The following PDS5B variants were observed in gnomAD, a reference collection of about 807,000 sequenced individuals.
PDS5B encodes the protein sister chromatid cohesion protein PDS5 homolog B.
PDS5B carries 51 observed loss-of-function variants against 184.1 expected under a neutral mutation model. That is an observed-to-expected ratio of 0.28 (90% CI 0.22 to 0.35). PDS5B has a LOEUF of 0.35. Among genes scored for constraint, PDS5B ranks in the 10% least tolerant of loss-of-function variants. The pLI is 1.00. For missense variants in PDS5B, 1,180 were observed against 1,723.3 expected, an observed-to-expected ratio of 0.68 and a Z score of 5.58; for synonymous variants, 566 against 569.2, an observed-to-expected ratio of 0.99 and a Z score of 0.08.
chr13:32,628,765 C>T (rs2058409912), intron 1 of PDS5B, among the ~76,000 whole-genome samples: 1 of 139,226 alleles, frequency 7.2e-6, no homozygotes, highest in Non-Finnish European at 1.6e-5. Context: ...ATATTATTGG[C>T]TAACACTGTT....
At chr13:32,650,270 A>G (rs1950336011) in intron 2 of PDS5B, 1 of 152,184 alleles carries the variant, frequency 6.6e-6, no homozygotes, top group South Asian at 2.1e-4. Context: ...TGTTTGTAAT[A>G]TGCTTTCATT....
intron 26 of PDS5B, among the ~76,000 whole-genome samples, chr13:32,757,030 C>A (rs1389847560): frequency 6.6e-6 from 1 of 151,780 alleles, no homozygotes; most frequent in Non-Finnish European, 1.5e-5. Context: ...GAGGCTGAGG[C>A]AGGAGAATTG....
chr13:32,612,173 A>G (rs1446158185), intron 1 of PDS5B, among the ~76,000 whole-genome samples: 1 of 151,958 alleles, frequency 6.6e-6, no homozygotes, highest in East Asian at 1.9e-4. Flanking sequence ...AGACACCTGG[A>G]ATCTTTACCT....
At chr13:32,683,548 G>A (rs1951306468) in intron 10 of PDS5B, among the ~76,000 whole-genome samples, 1 of 151,942 alleles carries the variant, frequency 6.6e-6, no homozygotes, top group Admixed American at 6.6e-5. Flanking sequence ...TTGAACTCCT[G>A]ACCTCAAGTG....
chr13:32,617,539 T>C (rs1329920755), intron 1 of PDS5B, among the ~76,000 whole-genome samples: 2 of 152,194 alleles, frequency 1.3e-5, no homozygotes, highest in Non-Finnish European at 2.9e-5. Context: ...TTTTTACAGG[T>C]ATTCAGGGCC....
At chr13:32,675,714 T>C in intron 8 of PDS5B, 130 bp from the exon 9 acceptor site, 1 of 547,102 alleles carries the variant, frequency 1.8e-6, no homozygotes, top group Non-Finnish European at 3.3e-6. Flanking sequence ...TTTTATGTAA[T>C]TTTTCATTTA....
chr13:32,594,156 C>T (rs1008797591), intron 1 of PDS5B, among the ~76,000 whole-genome samples: 3 of 152,200 alleles, frequency 2.0e-5, no homozygotes, highest in South Asian at 4.1e-4. Flanking sequence ...AACCTACTAG[C>T]TGTCACTTCC....
At position 32,775,691 on chromosome 13, in the gene PDS5B, G is replaced by A. The variant is rs1280352821; in HGVS notation, c.*639G>A. The A allele has an allele frequency of 2.2e-6, 1 of 456,100 alleles. No homozygotes were observed. Among genetic ancestry groups the A allele is most frequent in the Non-Finnish European group, 4.4e-6 (1 of 226,670 alleles). 28.3% of individuals were successfully genotyped at this position (456,100 alleles called of 1,614,324 possible). ...GGACAACCATGCAAATTGTGAAATA[G>A]TCCTGAAGTTCTTGGATTACTTTAC... is the stretch of plus-strand genomic sequence containing the variant. On this transcript the variant is annotated 3_prime_UTR_variant, in exon 35 of 35. Transcript: ENST00000315596.
At chr13:32,598,839 C>T (rs527379016) in intron 1 of PDS5B, among the ~76,000 whole-genome samples, 6 of 146,290 alleles carry the variant, frequency 4.1e-5, no homozygotes, top group Admixed American at 1.4e-4. Flanking sequence ...GGCACTATCT[C>T]GGCTTACTGC....
chr13:32,760,705 G>T lies in PDS5B; in HGVS notation c.3503G>T (p.Gly1168Val). Residue 1168 changes from glycine to valine, a missense_variant, in exon 30 of 35, where the codon GGA (glycine) becomes GTA (valine). Around this residue, in one of 11 missense-constraint regions of PDS5B, gnomAD observed 465 missense variants for 497.8 expected, o/e 0.93. Coordinates refer to ENST00000315596, the MANE Select transcript of PDS5B (RefSeq NM_015032.4). Reference sequence around the variant, plus strand: ...AGCAGCTCAAATCCAAGCTCTCCTGGAAGAATAAAGGGGAGGTAAGTGCAA... The same window carrying T: ...AGCAGCTCAAATCCAAGCTCTCCTGTAAGAATAAAGGGGAGGTAAGTGCAA... ...ASSSSNPSSP[G>V]RIKGRLDSSE... 4.3e-6 allele frequency: 7 copies of T among 1,613,694 alleles called. No homozygotes were observed. The highest frequency in any genetic ancestry group is 5.9e-6 in the Non-Finnish European group (7 of 1,179,844).
intron 3 of PDS5B, among the ~76,000 whole-genome samples, chr13:32,653,527 T>C (rs755601692): frequency 1.3e-5 from 2 of 152,186 alleles, no homozygotes; most frequent in Non-Finnish European, 2.9e-5. Flanking sequence ...TTTGATCAAG[T>C]CTACCACAAT....
chr13:32,624,608 C>G (rs1162833267), intron 1 of PDS5B, among the ~76,000 whole-genome samples: 1 of 152,070 alleles, frequency 6.6e-6, no homozygotes, highest in African/African-American at 2.4e-5. Context: ...GTGAATCACT[C>G]TTGGTGTTTG....
chr13:32,603,582 GTT>G (rs2058012281), intron 1 of PDS5B, among the ~76,000 whole-genome samples: 4 of 152,158 alleles, frequency 2.6e-5, no homozygotes, highest in Admixed American at 2.6e-4. Flanking sequence ...AATGTGGGCT[GTT>G]TTGTGGTTCC....
chr13:32,775,538 C>CTAT lies in PDS5B; in HGVS notation c.*488_*490dup. 1 of 370,876 alleles carries CTAT rather than the reference C, an allele frequency of 2.7e-6. No individual in the cohort carries two copies. The highest frequency in any genetic ancestry group is 5.3e-6 in the Non-Finnish European group (1 of 187,130). The allele number at this position is 370,876 out of a possible 1,614,324, so 23.0% of individuals were successfully genotyped here. On this transcript the variant is annotated 3_prime_UTR_variant, in exon 35 of 35. Transcript: ENST00000315596. ...AATTGGTGTCATTTTCTTGATGTCA[C>CTAT]TATTTGTTGGAGAGTTAAATGGTCT...
At chr13:32,593,475 G>A (rs1474378906) in intron 1 of PDS5B, among the ~76,000 whole-genome samples, 1 of 152,146 alleles carries the variant, frequency 6.6e-6, no homozygotes, top group East Asian at 1.9e-4. Context: ...GGAGTAGCTG[G>A]GATTACAGGC....
chr13:32,679,936 T>C (rs902756894), intron 10 of PDS5B, among the ~76,000 whole-genome samples: 5 of 149,722 alleles, frequency 3.3e-5, no homozygotes, highest in Admixed American at 6.7e-5. Flanking sequence ...CACCTCCCCT[T>C]TCTCCTTCCC....
chr13:32,734,062 C>T lies in PDS5B; in HGVS notation c.2248-1110C>T, dbSNP rs375927304. Among the ~76,000 whole-genome samples, 23 of 149,558 alleles carry T rather than the reference C, an allele frequency of 1.5e-4. No homozygotes were observed. The East Asian group carries it at 1.6e-3, about 10-fold the overall frequency. ...TTTTTTTCTGAGATAGAGTCTTGCT[C>T]TGTCATCCAGGCTGGAGTGTAGTGG... On this transcript the variant is annotated intron_variant, in intron 20 of 34. Coordinates refer to ENST00000315596, the MANE Select transcript of PDS5B (RefSeq NM_015032.4).
chr13:32,642,906 T>G (rs552468361), intron 1 of PDS5B, among the ~76,000 whole-genome samples: 2 of 152,308 alleles, frequency 1.3e-5, no homozygotes, highest in Admixed American at 1.3e-4. Flanking sequence ...TGTGATTCAC[T>G]TATTTAGGGG....
intron 19 of PDS5B, among the ~76,000 whole-genome samples, chr13:32,718,043 G>A (rs1952535675): frequency 1.3e-5 from 2 of 152,104 alleles, no homozygotes; most frequent in African/African-American, 2.4e-5. Flanking sequence ...AGTATACAGA[G>A]AGCGTTGGTA....
Sources: allele counts gnomAD v4.1 joint callset (sites outside exome capture counted in the v4.1 genomes callset), GRCh38; gene constraint gnomAD v4.1.1; regional missense constraint gnomAD v4.1.1; transcripts MANE v1.5; gene names NCBI Gene and HGNC (gene_info 2026-07-23, HGNC 2026-07-21).